The following GFRA2 variants were observed in gnomAD, a reference collection of about 807,000 sequenced individuals.
GFRA2 encodes GDNF family receptor alpha 2.
In GFRA2, 17 loss-of-function variants were observed where a neutral mutation model predicts 48.3. The observed-to-expected ratio is 0.35, with a 90% confidence interval of 0.24 to 0.53. The LOEUF (loss-of-function observed/expected upper bound fraction) is 0.53, where lower values mean the gene tolerates loss of function less well. Among genes scored for constraint, GFRA2 ranks in the 20% least tolerant of loss-of-function variants. The pLI is 0.93. For missense variants in GFRA2, 660 were observed against 637.3 expected (o/e 1.04, Z -0.38); for synonymous variants, 305 against 257.2 (o/e 1.19, Z -1.78).
At chr8:21,699,727 T>C (rs947281297) in intron 7 of GFRA2, among the ~76,000 whole-genome samples, 4 of 152,168 alleles carry the variant, frequency 2.6e-5, no homozygotes, top group East Asian at 1.9e-4. Flanking sequence ...AGAGGGCACC[T>C]AGGAGAAGGA....
chr8:21,782,921 C>A, intron 1 of GFRA2, 22 bp from the exon 2 acceptor site: 1 of 1,536,848 alleles, frequency 6.5e-7, no homozygotes, highest in South Asian at 1.2e-5. Flanking sequence ...GGAGGGAAGA[C>A]AAGCATGAAT....
intron 4 of GFRA2, among the ~76,000 whole-genome samples, chr8:21,742,482 A>G (rs1471954729): frequency 1.3e-5 from 2 of 152,170 alleles, no homozygotes; most frequent in Non-Finnish European, 2.9e-5. Flanking sequence ...TGGAACTATG[A>G]GAAGTAAATG....
At chr8:21,766,813 C>CA in intron 3 of GFRA2, among the ~76,000 whole-genome samples, 1 of 18 alleles carries the variant, frequency 0.056, no homozygotes, top group African/African-American at 0.12. Context: ...AAACCGCCCA[C>CA]CCACACGCTC....
At chr8:21,804,425 TAAAA>T (rs758669783) in intron 2 of GFRA2, among the ~76,000 whole-genome samples, 1 of 124,992 alleles carries the variant, frequency 8.0e-6, no homozygotes, top group Non-Finnish European at 1.7e-5. Context: ...ACTTCTCTGC[TAAAA>T]AAAAAAACAA....
chr8:21,770,279 A>G (rs1223996135), intron 3 of GFRA2, among the ~76,000 whole-genome samples: 3 of 152,240 alleles, frequency 2.0e-5, no homozygotes, highest in African/African-American at 7.2e-5. Context: ...CGAACCTTGG[A>G]GAAATCAGTC....
chr8:21,782,521 C>T (rs374005732), intron 2 of GFRA2, 64 bp downstream of exon 2: 15 of 1,278,250 alleles, frequency 1.2e-5, no homozygotes, highest in Non-Finnish European at 1.6e-5. Flanking sequence ...ACCCCTGGCC[C>T]GCCACACGTC....
chr8:21,736,933 GA>G (rs1231282550), intron 4 of GFRA2, among the ~76,000 whole-genome samples: 2 of 132,594 alleles, frequency 1.5e-5, no homozygotes, highest in Non-Finnish European at 3.3e-5. Flanking sequence ...GAGGGGAGGA[GA>G]GGGGAGGGGA....
intron 2 of GFRA2, among the ~76,000 whole-genome samples, chr8:21,802,489 G>A (rs1807789068): frequency 6.6e-6 from 1 of 152,008 alleles, no homozygotes; most frequent in South Asian, 2.1e-4. Flanking sequence ...CAAGTAGCTG[G>A]GACTACAGAT....
At chr8:21,741,932 A>AAAAGAAAGAAAG (rs568674453) in intron 4 of GFRA2, among the ~76,000 whole-genome samples, 4 of 148,752 alleles carry the variant, frequency 2.7e-5, no homozygotes, top group South Asian at 2.1e-4. Context: ...AAAAAAAAAA[A>AAAAGAAAGAAAG]AAAGAAAGAA....
chr8:21,746,513 G>A (rs1805012908), intron 4 of GFRA2, among the ~76,000 whole-genome samples: 2 of 152,140 alleles, frequency 1.3e-5, no homozygotes, highest in African/African-American at 4.8e-5. Context: ...TTCCTACTCA[G>A]GATCCCAGGC....
At chr8:21,715,070 C>T (rs1803265286) in intron 4 of GFRA2, among the ~76,000 whole-genome samples, 1 of 152,198 alleles carries the variant, frequency 6.6e-6, no homozygotes, top group East Asian at 1.9e-4. Context: ...ATGTCACCCA[C>T]ATGGCTGCTT....
At position 21,788,568 on chromosome 8, in the gene GFRA2, G is replaced by A; in HGVS notation, c.-409C>T. On this transcript the variant is annotated 5_prime_UTR_variant, in exon 1 of 9. Transcript: ENST00000524240. ...GGGAGAGAGGCGATTTGCGAGTGAA[G>A]GGCTGGAAGGAAGCGGCGAGGGAGG... The A allele has an allele frequency of 9.9e-7, 1 of 1,006,652 alleles. No homozygotes were observed. The highest frequency in any genetic ancestry group is 1.2e-6 in the Non-Finnish European group (1 of 844,640). The allele number at this position is 1,006,652 out of a possible 1,614,324, so 62.4% of individuals were successfully genotyped here.
At chr8:21,698,505 C>T (rs1020614833) in intron 7 of GFRA2, among the ~76,000 whole-genome samples, 3 of 152,240 alleles carry the variant, frequency 2.0e-5, no homozygotes, top group Non-Finnish European at 2.9e-5. Flanking sequence ...CTGGCCCAGG[C>T]GCTAGTCTAG....
rs1585337643 is a variant in GFRA2, at chr8:21,782,543, C to T, written c.355+42G>A. On this transcript the variant is annotated intron_variant, in intron 2 of 8. Transcript: ENST00000524240. ...GCCCGCCACACGTCCTCTCTGCCTG[C>T]GCCACACCCCCTCCCCTTGGGCAAG... 19 of 1,453,150 alleles carry T rather than the reference C, an allele frequency of 1.3e-5. No homozygotes were observed. The East Asian group carries it at 2.7e-4, about 21-fold the overall frequency. 90.0% of individuals were successfully genotyped at this position (1,453,150 alleles called of 1,614,324 possible).
At chr8:21,751,189 G>C (rs1255157193) in intron 3 of GFRA2, among the ~76,000 whole-genome samples, 6 of 152,184 alleles carry the variant, frequency 3.9e-5, no homozygotes, top group Non-Finnish European at 5.9e-5. Context: ...AGGGTGAGCT[G>C]TACCATGGCA....
In GFRA2 at chr8:21,690,568, A is replaced by G. The variant is rs1801847997; in HGVS notation, c.*2710T>C. ...GGCAGAGTAAAGCTAGCTAGTATCC[A>G]CTCCTCCTTCATAATGGCACCTCAG... is the stretch of plus-strand genomic sequence containing the variant. On this transcript the variant is annotated 3_prime_UTR_variant, in exon 9 of 9. Coordinates refer to ENST00000524240, the MANE Select transcript of GFRA2 (RefSeq NM_001495.5). The G allele has an allele frequency of 1.3e-5, 2 of 151,678 alleles. No individual in the cohort carries two copies. Among genetic ancestry groups the G allele is most frequent in the African/African-American group, 4.9e-5 (2 of 41,220 alleles). 9.4% of individuals were successfully genotyped at this position (151,678 alleles called of 1,614,324 possible).
chr8:21,759,437 G>T, intron 3 of GFRA2, among the ~76,000 whole-genome samples: 1 of 87,718 alleles, frequency 1.1e-5, no homozygotes, highest in South Asian at 4.6e-4. Context: ...AGGGAAAGAG[G>T]GAGGGAGAGA....
intron 7 of GFRA2, among the ~76,000 whole-genome samples, chr8:21,698,242 G>A (rs1425068477): frequency 6.6e-6 from 1 of 152,222 alleles, no homozygotes; most frequent in South Asian, 2.1e-4. Flanking sequence ...ACTGTGGGAA[G>A]AGCTGACCCC....
intron 3 of GFRA2, among the ~76,000 whole-genome samples, chr8:21,770,939 C>T (rs1806407924): frequency 1.3e-5 from 2 of 152,172 alleles, no homozygotes; most frequent in African/African-American, 4.8e-5. Flanking sequence ...TGGGATTCGG[C>T]ATTCACAGGG....
Sources: allele counts gnomAD v4.1 joint callset (sites outside exome capture counted in the v4.1 genomes callset), GRCh38; gene constraint gnomAD v4.1.1; transcripts MANE v1.5; gene names NCBI Gene and HGNC (gene_info 2026-07-23, HGNC 2026-07-21).